Variants in ARMC2 observed in about 807,000 individuals in gnomAD.
ARMC2 encodes armadillo repeat-containing protein 2.
Under a neutral mutation model 90.3 loss-of-function variants are expected in ARMC2, and 67 were observed. The observed-to-expected ratio is 0.74, with a 90% CI of 0.61 to 0.91. The LOEUF (loss-of-function observed/expected upper bound fraction) is 0.91. Among genes scored for constraint, ARMC2 ranks in the 40% least tolerant of loss-of-function variants. The pLI is 0.00. For missense variants in ARMC2, 920 were observed against 1,030.9 expected, an observed-to-expected ratio of 0.89 and a Z score of 1.47; for synonymous variants, 393 against 393.0, an observed-to-expected ratio of 1.00 and a Z score of 0.00.
chr6:108,889,424 G>A lies in ARMC2; in HGVS notation c.672-5043G>A, dbSNP rs886333493. On this transcript the variant is annotated intron_variant, in intron 5 of 17. Coordinates refer to ENST00000392644, the MANE Select transcript of ARMC2 (RefSeq NM_032131.6). ...GCCTCCCAAAGTGCTGGGATTACAGGTGTGACCCACTGCGCCCTGCCTGTT... is the reference window on the plus strand; with the variant it reads ...GCCTCCCAAAGTGCTGGGATTACAGATGTGACCCACTGCGCCCTGCCTGTT... 4.0e-5 allele frequency among the ~76,000 whole-genome samples: 6 copies of A among 151,628 alleles called. 1 individual carries two copies. Among genetic ancestry groups the A allele is most frequent in the African/African-American group, 9.7e-5 (4 of 41,110 alleles).
chr6:109,027,318 TA>T, the ARMC2 span, among the ~76,000 whole-genome samples: 1 of 150,576 alleles, frequency 6.6e-6, no homozygotes, highest in Admixed American at 6.6e-5. Context: ...ACTAAAAATA[TA>T]AAAAAAATTT....
the ARMC2 span, among the ~76,000 whole-genome samples, chr6:109,044,136 G>C: frequency 6.6e-6 from 1 of 151,428 alleles, no homozygotes; most frequent in Non-Finnish European, 1.5e-5. Context: ...GCAACACAGG[G>C]AGACTCCACT....
chr6:109,024,117 A>G, the ARMC2 span, among the ~76,000 whole-genome samples: 14 of 152,108 alleles, frequency 9.2e-5, no homozygotes, highest in African/African-American at 2.9e-4. Context: ...TCTAGAACAA[A>G]TTAAAAAAAA....
the ARMC2 span, chr6:108,990,562 T>C: frequency 8.3e-7 from 1 of 1,208,686 alleles, no homozygotes; most frequent in South Asian, 1.2e-5. Flanking sequence ...TATGTGTGTG[T>C]CTATGTGCAT....
rs112034855 is a variant in ARMC2 at position 108,946,125 on chromosome 6, G to A, written c.1597-6908G>A. The stretch of plus-strand genomic sequence containing the variant: ...TTGTTCATTCTTTCCAGCTCCTGCC[G>A]GCTTTGCCCTTGTGGAACTGGCTCT... On this transcript the variant is annotated intron_variant, in intron 12 of 17. Coordinates refer to ENST00000392644, the MANE Select transcript of ARMC2 (RefSeq NM_032131.6). Among the ~76,000 whole-genome samples the A allele has an allele frequency of 8.1e-3, 1,232 of 152,336 alleles. 11 individuals are homozygous for A. Among genetic ancestry groups the A allele is most frequent in the Non-Finnish European group, 0.013 (887 of 68,032 alleles).
At position 108,871,236 on chromosome 6, in the gene ARMC2, T is replaced by G. The variant is rs114845167; in HGVS notation, c.463+2241T>G. On this transcript the variant is annotated intron_variant, in intron 4 of 17. Transcript: ENST00000392644. The stretch of plus-strand genomic sequence containing the variant: ...CACAGAACTGCCCAGGGCCTCAGAA[T>G]ATGGAAAACACACCCAGCTGTGTTT... Among the ~76,000 whole-genome samples, 640 of 152,136 alleles carry G rather than the reference T, an allele frequency of 4.2e-3. 4 individuals carry two copies. The highest frequency in any genetic ancestry group is 0.015 in the African/African-American group (604 of 41,506).
the ARMC2 span, among the ~76,000 whole-genome samples, chr6:109,037,574 G>C: frequency 6.6e-6 from 1 of 152,212 alleles, no homozygotes; most frequent in African/African-American, 2.4e-5. Flanking sequence ...GTTGGGTGAA[G>C]CTAGAATAGA....
chr6:109,016,454 T>C, the ARMC2 span, among the ~76,000 whole-genome samples: 2 of 152,194 alleles, frequency 1.3e-5, no homozygotes, highest in Non-Finnish European at 2.9e-5. Context: ...TTCTGCCTTC[T>C]TCAGAGGTCT....
chr6:108,974,829 C>T (rs1360228470), downstream of ARMC2, among the ~76,000 whole-genome samples: 3 of 152,180 alleles, frequency 2.0e-5, 1 homozygote, highest in East Asian at 5.8e-4. Context: ...AATCCCAACA[C>T]TCTGGGAGGC....
At chr6:108,912,242 C>T (rs1773511075) in intron 9 of ARMC2, 93 bp from the exon 10 acceptor site, 22 of 861,522 alleles carry the variant, frequency 2.6e-5, no homozygotes, top group South Asian at 1.2e-4. Context: ...ATATATTTTA[C>T]GAAGTGTATT....
chr6:108,956,111 G>A (rs1019255853), intron 13 of ARMC2, among the ~76,000 whole-genome samples: 6 of 152,146 alleles, frequency 3.9e-5, no homozygotes, highest in East Asian at 3.9e-4. Flanking sequence ...GAAACCGACT[G>A]GGCGAATTCT....
Position 108,938,599 on chromosome 6 carries a change from C to CTTTTTTT in ARMC2, c.1596+1612_1596+1618dup, listed in dbSNP as rs4027582. Among the ~76,000 whole-genome samples the CTTTTTTT allele has an allele frequency of 3.1e-4, 26 of 83,112 alleles. 1 individual carries two copies. Among genetic ancestry groups the CTTTTTTT allele is most frequent in the Non-Finnish European group, 4.2e-4 (19 of 45,154 alleles). The allele number at this position is 83,112 out of a possible 152,430, so 54.5% of individuals were successfully genotyped here. A position where few individuals can be genotyped will look rare whatever the true frequency, so the allele number is the denominator to read the frequency against. ...TATAATTTTATTTTCCCATTACTAC[C>CTTTTTTT]TTTTTTTTTTTTTTTTTTGCTTTGG... On this transcript the variant is annotated intron_variant, in intron 12 of 17. Transcript: ENST00000392644.
the ARMC2 span, chr6:108,987,444 G>T: frequency 1.7e-6 from 1 of 589,686 alleles, no homozygotes; most frequent in Non-Finnish European, 3.0e-6. Context: ...ATGGATTTCT[G>T]AATTATTTTG....
At chr6:108,901,871 C>T (rs561826785) in intron 7 of ARMC2, among the ~76,000 whole-genome samples, 3 of 152,340 alleles carry the variant, frequency 2.0e-5, no homozygotes, top group South Asian at 2.1e-4. Context: ...TCATTTGTCA[C>T]GTCTCTTTCG....
intron 6 of ARMC2, among the ~76,000 whole-genome samples, chr6:108,899,361 C>T (rs1221402092): frequency 6.6e-6 from 1 of 152,124 alleles, no homozygotes; most frequent in East Asian, 1.9e-4. Flanking sequence ...GTTACCTATT[C>T]TACATTACAG....
chr6:108,868,751 TG>T, intron 3 of ARMC2, 72 bp from the exon 4 acceptor site: 1 of 1,435,416 alleles, frequency 7.0e-7, no homozygotes, highest in Non-Finnish European at 9.5e-7. Context: ...GGAAGGGTTG[TG>T]GCCAGCTCTG....
intron 3 of ARMC2, among the ~76,000 whole-genome samples, chr6:108,865,110 G>C (rs1457745575): frequency 6.6e-6 from 1 of 151,000 alleles, no homozygotes; most frequent in East Asian, 2.0e-4. Context: ...AGCCTCTTGA[G>C]TAGTTGGGAC....
chr6:108,996,315 G>A, the ARMC2 span, among the ~76,000 whole-genome samples: 2 of 152,152 alleles, frequency 1.3e-5, no homozygotes, highest in African/African-American at 4.8e-5. Context: ...ATGATGGGAA[G>A]TGTTTCTATG....
At chr6:108,865,860 A>G (rs1562329272) in intron 3 of ARMC2, among the ~76,000 whole-genome samples, 2 of 152,028 alleles carry the variant, frequency 1.3e-5, no homozygotes, top group African/African-American at 2.4e-5. Context: ...TCTACAAAAA[A>G]TAAAAAATTA....
Sources: allele counts gnomAD v4.1 joint callset (sites outside exome capture counted in the v4.1 genomes callset), GRCh38; gene constraint gnomAD v4.1.1; transcripts MANE v1.5; gene names NCBI Gene and HGNC (gene_info 2026-07-23, HGNC 2026-07-21).